The following CACNA2D4 variants were observed in gnomAD, a reference collection of about 807,000 sequenced individuals.
The protein encoded by CACNA2D4 is calcium voltage-gated channel auxiliary subunit alpha2delta 4.
A neutral mutation model predicts 163.8 loss-of-function variants in CACNA2D4; 157 were observed. The observed-to-expected ratio is 0.96, with a 90% CI of 0.84 to 1.09. The LOEUF (loss-of-function observed/expected upper bound fraction) is 1.09, where lower values mean the gene tolerates loss of function less well. Ranked by LOEUF, CACNA2D4 falls within the 50% of genes least tolerant of loss-of-function variation. CACNA2D4 has a pLI of 0.00. For synonymous variants in CACNA2D4, 598 were observed against 586.9 expected (o/e 1.02, Z -0.27); for missense variants, 1,410 against 1,479.9 (o/e 0.95, Z 0.78).
intron 25 of CACNA2D4, among the ~76,000 whole-genome samples, chr12:1,841,873 C>A (rs1865031649): frequency 6.6e-6 from 1 of 152,206 alleles, no homozygotes; most frequent in Non-Finnish European, 1.5e-5. Flanking sequence ...CCTAAAACTG[C>A]AGTCTGATTC....
intron 26 of CACNA2D4, among the ~76,000 whole-genome samples, chr12:1,812,436 A>G (rs1863742305): frequency 6.6e-6 from 1 of 152,246 alleles, no homozygotes; most frequent in South Asian, 2.1e-4. Flanking sequence ...ATCCAGAGAA[A>G]TCTGGGACAA....
At chr12:1,889,884 C>T (rs1438029688) in intron 6 of CACNA2D4, among the ~76,000 whole-genome samples, 1 of 152,092 alleles carries the variant, frequency 6.6e-6, no homozygotes, top group African/African-American at 2.4e-5. Flanking sequence ...TGGTACTTTC[C>T]TCCTCCACAA....
At chr12:1,838,175 AC>A (rs1249071035) in intron 26 of CACNA2D4, among the ~76,000 whole-genome samples, 1 of 152,064 alleles carries the variant, frequency 6.6e-6, no homozygotes, top group East Asian at 1.9e-4. Flanking sequence ...CTGTCTATAA[AC>A]CACCTGCTTA....
At position 1,828,228 on chromosome 12, in the gene CACNA2D4, C is replaced by A; in HGVS notation, c.2551+12511G>T. The stretch of plus-strand genomic sequence containing the variant: ...AGGCAAGTCTCCTGTGAGTACACCC[C>A]TGGCCTCGGAGGGGGGTGCGGGTTG... On this transcript the variant is annotated intron_variant, in intron 26 of 37. Transcript: ENST00000382722. The surrounding 1 kb of genome is among the most constrained non-coding windows in gnomAD (Gnocchi z 4.2). 6.5e-7 allele frequency: 1 copy of A among 1,537,274 alleles called. No individual in the cohort carries two copies. Among genetic ancestry groups the A allele is most frequent in the South Asian group, 1.2e-5 (1 of 82,752 alleles).
rs187256971 is a variant in CACNA2D4, at chr12:1,917,525, C to T, written c.227+722G>A. On this transcript the variant is annotated intron_variant, in intron 1 of 37. Coordinates refer to ENST00000382722, the MANE Select transcript of CACNA2D4 (RefSeq NM_172364.5). This position sits in a 1 kb window ranked among gnomAD's most constrained non-coding sequence, Gnocchi z 4.3. ...ACCTACAGTCTAGAAGGCTCTGCTA[C>T]CCACATGTATTGGAAATTTCCTTCC... Among the ~76,000 whole-genome samples the T allele has an allele frequency of 3.2e-3, 486 of 152,200 alleles. 3 individuals carry two copies. The highest frequency in any genetic ancestry group is 0.011 in the African/African-American group (465 of 41,510).
intron 26 of CACNA2D4, among the ~76,000 whole-genome samples, chr12:1,823,903 T>C (rs906143186): frequency 3.3e-5 from 5 of 152,188 alleles, no homozygotes; most frequent in Non-Finnish European, 5.9e-5. Context: ...CCTGTACAAG[T>C]AACCCCCACG....
At chr12:1,876,850 C>T (rs1026275198) in intron 16 of CACNA2D4, among the ~76,000 whole-genome samples, 14 of 152,332 alleles carry the variant, frequency 9.2e-5, no homozygotes, top group African/African-American at 3.4e-4. Flanking sequence ...GCCTGAAGAT[C>T]ATCTGTAGCT....
rs572932718 is a variant in CACNA2D4 at position 1,802,475 on chromosome 12, T to A, written c.2722-831A>T. On this transcript the variant is annotated intron_variant, in intron 29 of 37. Transcript: ENST00000382722. This position sits in a 1 kb window ranked among gnomAD's most constrained non-coding sequence, Gnocchi z 4.7. Reference sequence around the variant, plus strand: ...TGCCCTGTGCCAAGCAGCGGCCCCCTAGCTGGCTGAGAATGGCCTCAGGCC... The same window carrying A: ...TGCCCTGTGCCAAGCAGCGGCCCCCAAGCTGGCTGAGAATGGCCTCAGGCC... Among the ~76,000 whole-genome samples, 2 of 152,332 alleles carry A rather than the reference T, an allele frequency of 1.3e-5. No homozygotes were observed. The highest frequency in any genetic ancestry group is 1.3e-4 in the Admixed American group (2 of 15,306).
intron 26 of CACNA2D4, among the ~76,000 whole-genome samples, chr12:1,838,096 C>T (rs1232671840): frequency 6.6e-6 from 1 of 152,218 alleles, no homozygotes; most frequent in Non-Finnish European, 1.5e-5. Context: ...TCGCCTAGGG[C>T]CTGGAGGACA....
At chr12:1,913,166 G>A (rs895085236) in intron 2 of CACNA2D4, 27 bp from the exon 3 acceptor site, 10 of 1,491,524 alleles carry the variant, frequency 6.7e-6, no homozygotes, top group Admixed American at 5.0e-5. Context: ...GGAGAGATGC[G>A]TGCATGTGGT....
At chr12:1,824,339 G>A (rs1271204763) in intron 26 of CACNA2D4, among the ~76,000 whole-genome samples, 2 of 152,166 alleles carry the variant, frequency 1.3e-5, no homozygotes, top group East Asian at 1.9e-4. Context: ...AGGCTCCCAA[G>A]CTAGACCAAT....
At chr12:1,898,499 G>C (rs1176847372) in intron 6 of CACNA2D4, among the ~76,000 whole-genome samples, 2 of 151,926 alleles carry the variant, frequency 1.3e-5, no homozygotes, top group Non-Finnish European at 2.9e-5. Flanking sequence ...AATCATTAAG[G>C]GCATGCAAAT....
intron 18 of CACNA2D4, among the ~76,000 whole-genome samples, chr12:1,868,638 AG>A (rs1301902048): frequency 6.6e-6 from 1 of 152,090 alleles, no homozygotes; most frequent in African/African-American, 2.4e-5. Flanking sequence ...TACCACACAC[AG>A]GCTAAAGCAA....
In CACNA2D4 at chr12:1,820,246, C is replaced by CGGG. The variant is rs369234817; in HGVS notation, c.2552-8526_2552-8524dup. Reference sequence around the variant, plus strand: ...GAGAGGCACAGAAGACAGGTGCAGCCGGGGGGGTGAGGGAGAGCCTGGAGG... The same window carrying CGGG: ...GAGAGGCACAGAAGACAGGTGCAGCCGGGGGGGGGGTGAGGGAGAGCCTGGAGG... On this transcript the variant is annotated intron_variant, in intron 26 of 37. Transcript: ENST00000382722. The surrounding 1 kb of genome is among the most constrained non-coding windows in gnomAD (Gnocchi z 6.0). The CGGG allele has an allele frequency of 3.4e-4, 52 of 151,096 alleles. No homozygotes were observed. Among genetic ancestry groups the CGGG allele is most frequent in the African/African-American group, 1.2e-3 (50 of 40,462 alleles). 9.4% of individuals were successfully genotyped at this position (151,096 alleles called of 1,614,324 possible).
chr12:1,830,811 A>G lies in CACNA2D4; in HGVS notation c.2551+9928T>C, dbSNP rs528886680. ...GTGGTTAATAAACGTTTATGCATTG[A>G]TTGTGGCTTGTGCCAAAGGAGATAA... On this transcript the variant is annotated intron_variant, in intron 26 of 37. Coordinates refer to ENST00000382722, the MANE Select transcript of CACNA2D4 (RefSeq NM_172364.5). 7 of 767,210 alleles carry G rather than the reference A, an allele frequency of 9.1e-6. No homozygotes were observed. The East Asian group carries it at 1.1e-4, about 12-fold the overall frequency. The allele number at this position is 767,210 out of a possible 1,614,324, so 47.5% of individuals were successfully genotyped here.
chr12:1,907,426 C>T lies in CACNA2D4; in HGVS notation c.781+14G>A. ...ATCCCAGAAGGTCGGGGAGATGCAA[C>T]TCCATGTCCTTACCTGGATAGATCC... On this transcript the variant is annotated intron_variant, in intron 6 of 37. Coordinates refer to ENST00000382722, the MANE Select transcript of CACNA2D4 (RefSeq NM_172364.5). The T allele has an allele frequency of 6.2e-7, 1 of 1,610,768 alleles. No homozygotes were observed. The highest frequency in any genetic ancestry group is 8.5e-7 in the Non-Finnish European group (1 of 1,177,406).
At position 1,915,797 on chromosome 12, in the gene CACNA2D4, C is replaced by T. The variant is rs79441281; in HGVS notation, c.228-862G>A. ...CAGGTACACAGGGCTGGGGCTGAGC[C>T]TCTCCAGATGGAGCGGAAGTGGTTT... On this transcript the variant is annotated intron_variant, in intron 1 of 37. Coordinates refer to ENST00000382722, the MANE Select transcript of CACNA2D4 (RefSeq NM_172364.5). 3.6e-3 allele frequency among the ~76,000 whole-genome samples: 545 copies of T among 152,308 alleles called. 1 individual carries two copies. The highest frequency in any genetic ancestry group is 0.012 in the African/African-American group (510 of 41,578).
At chr12:1,800,822 C>A in intron 31 of CACNA2D4, 1 of 598,720 alleles carries the variant, frequency 1.7e-6, no homozygotes, top group East Asian at 2.8e-5. Context: ...TGTGTCACAA[C>A]TACCAGAGCA....
chr12:1,918,232 G>A lies in CACNA2D4; in HGVS notation c.227+15C>T, dbSNP rs1867041702. On this transcript the variant is annotated intron_variant, in intron 1 of 37. Coordinates refer to ENST00000382722, the MANE Select transcript of CACNA2D4 (RefSeq NM_172364.5). ...GTGACCGGGTTTTTGGGGTGGGGTT[G>A]AACGTGATGCTTACGTTTCCAGAGG... 2.5e-6 allele frequency: 4 copies of A among 1,581,130 alleles called. No individual in the cohort carries two copies. Among genetic ancestry groups the A allele is most frequent in the Non-Finnish European group, 3.5e-6 (4 of 1,158,620 alleles).
Sources: gnomAD v4.1 joint callset for allele counts (sites outside exome capture counted in the v4.1 genomes callset) on GRCh38, gnomAD v4.1.1 for gene constraint, Gnocchi (gnomAD v3.1) non-coding constraint, MANE v1.5 for transcripts, NCBI Gene and HGNC (gene_info 2026-07-23, HGNC 2026-07-21) for gene names.